SLC35F1: variants seen among roughly 807,000 people sequenced by gnomAD.
SLC35F1 encodes chromosome 6 open reading frame 169.
In SLC35F1, 14 loss-of-function variants were observed where a neutral mutation model predicts 48.7. The observed-to-expected ratio is 0.29, with a 90% CI of 0.19 to 0.45. SLC35F1 has a LOEUF of 0.45. Ranked by LOEUF, SLC35F1 falls within the 20% of genes least tolerant of loss-of-function variation. The pLI, the probability that SLC35F1 is intolerant of heterozygous loss-of-function variation, is 1.00. For synonymous variants in SLC35F1, 190 were observed against 202.2 expected (o/e 0.94, Z 0.51); for missense variants, 404 against 500.0 (o/e 0.81, Z 1.83).
intron 1 of SLC35F1, among the ~76,000 whole-genome samples, chr6:118,089,693 G>A (rs541220915): frequency 3.3e-5 from 5 of 152,286 alleles, no homozygotes; most frequent in African/African-American, 4.8e-5. Flanking sequence ...CCTTGGAAGA[G>A]TTGTGGATCT....
At chr6:117,987,721 C>T (rs1776865974) in intron 1 of SLC35F1, among the ~76,000 whole-genome samples, 1 of 152,200 alleles carries the variant, frequency 6.6e-6, no homozygotes, top group East Asian at 1.9e-4. Context: ...TTATTTTGCT[C>T]TGCAGATATA....
chr6:118,096,960 C>T (rs1397817598), intron 1 of SLC35F1, among the ~76,000 whole-genome samples: 1 of 152,162 alleles, frequency 6.6e-6, no homozygotes, highest in Non-Finnish European at 1.5e-5. Flanking sequence ...TTTGCAGGAT[C>T]TATTCCCTCT....
At chr6:118,062,016 T>G (rs1772548531) in intron 1 of SLC35F1, among the ~76,000 whole-genome samples, 3 of 152,196 alleles carry the variant, frequency 2.0e-5, no homozygotes, top group African/African-American at 7.2e-5. Flanking sequence ...ATAGTTGAGC[T>G]GTAGTTTTAC....
chr6:118,240,837 G>C (rs138492324), intron 3 of SLC35F1, among the ~76,000 whole-genome samples: 1 of 152,192 alleles, frequency 6.6e-6, no homozygotes, highest in African/African-American at 2.4e-5. Flanking sequence ...GAGCAGGGTC[G>C]TGTCTGGGCA....
intron 1 of SLC35F1, among the ~76,000 whole-genome samples, chr6:117,921,108 G>A (rs1205509107): frequency 6.6e-6 from 1 of 151,048 alleles, no homozygotes; most frequent in Non-Finnish European, 1.5e-5. Flanking sequence ...AGACTGATAG[G>A]TAGAGGATAG....
intron 1 of SLC35F1, among the ~76,000 whole-genome samples, chr6:117,945,186 C>A (rs1776281651): frequency 6.6e-6 from 1 of 152,174 alleles, no homozygotes; most frequent in African/African-American, 2.4e-5. Flanking sequence ...CTGTCCCCAT[C>A]CGTGGGTCAT....
intron 1 of SLC35F1, among the ~76,000 whole-genome samples, chr6:117,986,690 T>A (rs1468972861): frequency 1.3e-5 from 2 of 152,198 alleles, no homozygotes; most frequent in African/African-American, 2.4e-5. Flanking sequence ...GGGAAATTGT[T>A]AGTCTGTCCC....
intron 2 of SLC35F1, among the ~76,000 whole-genome samples, chr6:118,199,958 A>T (rs1211377340): frequency 6.6e-6 from 1 of 152,150 alleles, no homozygotes; most frequent in African/African-American, 2.4e-5. Context: ...CTTTTTAAAA[A>T]TTTTTAAATT....
intron 7 of SLC35F1, among the ~76,000 whole-genome samples, chr6:118,297,671 TAAGTTCTGAGA>T (rs1198097289): frequency 4.4e-5 from 6 of 135,584 alleles, no homozygotes; most frequent in African/African-American, 8.7e-5. Flanking sequence ...TAATATTATA[TAAGTTCTGAGA>T]AATATATATT....
intron 3 of SLC35F1, among the ~76,000 whole-genome samples, chr6:118,250,807 C>G (rs1386368667): frequency 3.3e-5 from 5 of 151,910 alleles, no homozygotes; most frequent in Non-Finnish European, 7.4e-5. Context: ...AACCTCATCT[C>G]TACTAAAAAA....
At chr6:118,022,092 A>G (rs997929857) in intron 1 of SLC35F1, among the ~76,000 whole-genome samples, 2 of 152,232 alleles carry the variant, frequency 1.3e-5, no homozygotes, top group Non-Finnish European at 2.9e-5. Context: ...TGCCAAAACC[A>G]CATTGCAAAT....
At chr6:118,171,661 G>C (rs73766445) in intron 2 of SLC35F1, among the ~76,000 whole-genome samples, 1,780 of 152,198 alleles carry the variant, frequency 0.012, 41 homozygotes, top group African/African-American at 0.04. Flanking sequence ...TAATTTTCTG[G>C]TCAGTCTGAA....
At chr6:118,251,851 G>A (rs1775580132) in intron 3 of SLC35F1, among the ~76,000 whole-genome samples, 1 of 152,106 alleles carries the variant, frequency 6.6e-6, no homozygotes, top group African/African-American at 2.4e-5. Flanking sequence ...CATATAGCAT[G>A]AAGAAGACTG....
At chr6:118,207,757 G>A (rs1316414721) in intron 2 of SLC35F1, among the ~76,000 whole-genome samples, 5 of 152,050 alleles carry the variant, frequency 3.3e-5, no homozygotes, top group South Asian at 2.1e-4. Flanking sequence ...TTGCCACCTC[G>A]GCCCTCCCCC....
chr6:118,023,895 C>T (rs925398400), intron 1 of SLC35F1, among the ~76,000 whole-genome samples: 1 of 152,104 alleles, frequency 6.6e-6, no homozygotes, highest in Non-Finnish European at 1.5e-5. Flanking sequence ...AATAAGAAAC[C>T]AATTTTGAAA....
intron 2 of SLC35F1, among the ~76,000 whole-genome samples, chr6:118,217,428 CAA>C (rs1775089746): frequency 1.3e-5 from 2 of 152,046 alleles, no homozygotes; most frequent in Admixed American, 1.3e-4. Flanking sequence ...CTAGAATCAT[CAA>C]ATTCATAGAG....
chr6:117,956,745 A>G (rs1776433422), intron 1 of SLC35F1, among the ~76,000 whole-genome samples: 1 of 152,216 alleles, frequency 6.6e-6, no homozygotes, highest in African/African-American at 2.4e-5. Context: ...AAATGTCAGT[A>G]AGGCCCCTGT....
rs531189688 is a variant in SLC35F1 at position 117,979,676 on chromosome 6, T to C, written c.173+71777T>C. ...ACAGAGAGTTAAAATTTTATAATTA[T>C]GTCTTTCTTTTCTTCTCTGTGGCTC... On this transcript the variant is annotated intron_variant, in intron 1 of 7. Transcript: ENST00000360388. Among the ~76,000 whole-genome samples, 7 of 152,346 alleles carry C rather than the reference T, an allele frequency of 4.6e-5. No individual in the cohort carries two copies. In the East Asian group the frequency reaches 7.7e-4, roughly 17 times the overall value.
At chr6:118,006,274 T>C (rs1391210738) in intron 1 of SLC35F1, among the ~76,000 whole-genome samples, 1 of 152,106 alleles carries the variant, frequency 6.6e-6, no homozygotes, top group Non-Finnish European at 1.5e-5. Flanking sequence ...TGAAAAAATG[T>C]CGAGAGTAAT....
Sources: gnomAD v4.1 joint callset for allele counts (sites outside exome capture counted in the v4.1 genomes callset) on GRCh38, gnomAD v4.1.1 for gene constraint, MANE v1.5 for transcripts, NCBI Gene and HGNC (gene_info 2026-07-23, HGNC 2026-07-21) for gene names.